Variants in RASAL2 observed in about 807,000 individuals in gnomAD.
RASAL2 encodes RAS protein activator like 2, also known as ras GTPase-activating protein nGAP.
In RASAL2, 58 loss-of-function variants were observed where a neutral mutation model predicts 128.9. The ratio of observed to expected loss-of-function variants is 0.45; its 90% CI spans 0.36 to 0.56. The LOEUF (loss-of-function observed/expected upper bound fraction) is 0.56, where lower values mean the gene tolerates loss of function less well. Among genes scored for constraint, RASAL2 ranks in the 20% least tolerant of loss-of-function variants. The pLI is 0.00. For synonymous variants in RASAL2, 561 were observed against 580.8 expected (o/e 0.97, Z 0.49); for missense variants, 1,360 against 1,601.6 (o/e 0.85, Z 2.57).
chr1:178,239,044 T>A (rs1664382691), intron 1 of RASAL2, among the ~76,000 whole-genome samples: 1 of 152,096 alleles, frequency 6.6e-6, no homozygotes, highest in Admixed American at 6.5e-5. Flanking sequence ...TCATGTGGAA[T>A]TTTCATTGAA....
rs1056889336 is a variant in RASAL2, at chr1:178,478,278, A to G, written c.*5039A>G. On this transcript the variant is annotated 3_prime_UTR_variant, in exon 18 of 18. Transcript: ENST00000367649. The stretch of plus-strand genomic sequence containing the variant: ...GTACAGATATTTATGTGTAAATATC[A>G]TTTTATGTGATTTCCAAATTTTCGA... The G allele has an allele frequency of 6.6e-6, 1 of 152,132 alleles. No individual in the cohort carries two copies. The highest frequency in any genetic ancestry group is 1.5e-5 in the Non-Finnish European group (1 of 68,028). The allele number at this position is 152,132 out of a possible 1,614,324, so 9.4% of individuals were successfully genotyped here. A position where few individuals can be genotyped will look rare whatever the true frequency, so the allele number is the denominator to read the frequency against.
intron 3 of RASAL2, among the ~76,000 whole-genome samples, chr1:178,310,760 T>C (rs529986934): frequency 8.5e-5 from 13 of 152,204 alleles, no homozygotes; most frequent in Non-Finnish European, 1.3e-4. Context: ...TTATGGTTGC[T>C]CAAACTGTTA....
chr1:178,295,204 A>G (rs148369645), intron 2 of RASAL2, among the ~76,000 whole-genome samples: 2 of 151,534 alleles, frequency 1.3e-5, no homozygotes, highest in African/African-American at 4.8e-5. Context: ...CATGTCTAGA[A>G]TGTCTAGAGT....
intron 1 of RASAL2, among the ~76,000 whole-genome samples, chr1:178,157,028 G>A (rs1391334141): frequency 2.6e-5 from 4 of 152,056 alleles, no homozygotes; most frequent in African/African-American, 9.6e-5. Context: ...TGACATTATG[G>A]GTAACGTCTT....
chr1:178,331,048 A>C (rs757639505), intron 3 of RASAL2, among the ~76,000 whole-genome samples: 20 of 152,232 alleles, frequency 1.3e-4, no homozygotes, highest in Admixed American at 9.2e-4. Context: ...GTGCTTGTCC[A>C]AGACACCATA....
chr1:178,255,687 A>T lies in RASAL2; in HGVS notation c.203-27877A>T, dbSNP rs564179987. 2.6e-5 allele frequency among the ~76,000 whole-genome samples: 4 copies of T among 152,258 alleles called. No homozygotes were observed. In the South Asian group the frequency reaches 8.3e-4, roughly 32 times the overall value. On this transcript the variant is annotated intron_variant, in intron 1 of 17. Transcript: ENST00000367649. ...AGCCATAGAGAAACGAGGAAACAAT[A>T]GCTTTTTTAAAAAATGAAAAATAAC... is the stretch of plus-strand genomic sequence containing the variant.
At chr1:178,340,924 A>C (rs1045246572) in intron 3 of RASAL2, among the ~76,000 whole-genome samples, 1 of 152,200 alleles carries the variant, frequency 6.6e-6, no homozygotes, top group African/African-American at 2.4e-5. Flanking sequence ...ATGAAGTTCT[A>C]GCCTAAGACC....
intron 4 of RASAL2, among the ~76,000 whole-genome samples, chr1:178,407,485 T>C (rs373725354): frequency 2.0e-5 from 3 of 152,284 alleles, no homozygotes; most frequent in African/African-American, 7.2e-5. Flanking sequence ...GTAAAATACA[T>C]AGAGATTTTA....
At chr1:178,422,372 A>G (rs931039273) in intron 5 of RASAL2, among the ~76,000 whole-genome samples, 1 of 152,098 alleles carries the variant, frequency 6.6e-6, no homozygotes, top group Non-Finnish European at 1.5e-5. Context: ...GCTTTAATCA[A>G]TAGCAAAGTC....
intron 1 of RASAL2, among the ~76,000 whole-genome samples, chr1:178,163,159 G>A (rs576746815): frequency 1.4e-5 from 2 of 145,246 alleles, no homozygotes; most frequent in African/African-American, 5.1e-5. Context: ...GTAGAGATGG[G>A]GTTTCACCAT....
intron 1 of RASAL2, among the ~76,000 whole-genome samples, chr1:178,145,722 C>T (rs917626602): frequency 1.3e-5 from 2 of 152,212 alleles, no homozygotes; most frequent in Non-Finnish European, 1.5e-5. Context: ...CTATCATCAT[C>T]TGGCATGGCC....
Position 178,455,471 on chromosome 1 carries a change from A to G in RASAL2, c.2211+823A>G, listed in dbSNP as rs117564916. Reference sequence around the variant, plus strand: ...CTATTTTCCTATCAATAAAAATGCTATATCAGTAAAATTTGAAGGGGAATA... The same window carrying G: ...CTATTTTCCTATCAATAAAAATGCTGTATCAGTAAAATTTGAAGGGGAATA... On this transcript the variant is annotated intron_variant, in intron 12 of 17. Coordinates refer to ENST00000367649, the MANE Select transcript of RASAL2 (RefSeq NM_170692.4). Among the ~76,000 whole-genome samples, 168 of 152,312 alleles carry G rather than the reference A, an allele frequency of 1.1e-3. 2 individuals carry two copies. In the East Asian group the frequency reaches 0.029, roughly 26 times the overall value.
chr1:178,329,160 A>T (rs1669175701), intron 3 of RASAL2, among the ~76,000 whole-genome samples: 1 of 152,216 alleles, frequency 6.6e-6, no homozygotes, highest in African/African-American at 2.4e-5. Flanking sequence ...CAAAGCAAAC[A>T]CCTTTACAAT....
chr1:178,448,426 G>A (rs942792655), intron 9 of RASAL2, among the ~76,000 whole-genome samples: 31 of 152,166 alleles, frequency 2.0e-4, no homozygotes, highest in African/African-American at 7.5e-4. Flanking sequence ...TTTACATGAA[G>A]CAGACACATT....
chr1:178,404,421 G>T (rs556447588), intron 4 of RASAL2, among the ~76,000 whole-genome samples: 2 of 151,736 alleles, frequency 1.3e-5, no homozygotes, highest in African/African-American at 4.8e-5. Flanking sequence ...TCGCTCTGTC[G>T]CCAGGCTAGA....
intron 3 of RASAL2, among the ~76,000 whole-genome samples, chr1:178,375,898 T>C (rs563632152): frequency 6.6e-6 from 1 of 152,180 alleles, no homozygotes; most frequent in Admixed American, 6.6e-5. Context: ...GTTTTGGTAA[T>C]TGGAAATGAA....
chr1:178,140,126 A>C (rs989992293), intron 1 of RASAL2, among the ~76,000 whole-genome samples: 1 of 152,172 alleles, frequency 6.6e-6, no homozygotes, highest in African/African-American at 2.4e-5. Flanking sequence ...AGACTAGAGC[A>C]GTGTTTCTCA....
intron 1 of RASAL2, among the ~76,000 whole-genome samples, chr1:178,279,692 A>C (rs1666690668): frequency 6.6e-6 from 1 of 152,194 alleles, no homozygotes; most frequent in African/African-American, 2.4e-5. Flanking sequence ...ATTTTCTGAA[A>C]AAAGGAAGAC....
chr1:178,393,196 G>A (rs114742501), intron 4 of RASAL2, among the ~76,000 whole-genome samples: 7,142 of 152,128 alleles, frequency 0.047, 560 homozygotes, highest in African/African-American at 0.16. Flanking sequence ...GATGGTTTGG[G>A]GATGATTGAA....
Sources: allele counts gnomAD v4.1 joint callset (sites outside exome capture counted in the v4.1 genomes callset), GRCh38; gene constraint gnomAD v4.1.1; transcripts MANE v1.5; gene names NCBI Gene and HGNC (gene_info 2026-07-23, HGNC 2026-07-21).